SDK2: variants seen among roughly 807,000 people sequenced by gnomAD.
The protein encoded by SDK2 is sidekick cell adhesion molecule 2.
Under a neutral mutation model 253.9 loss-of-function variants are expected in SDK2, and 105 were observed. That is an observed-to-expected ratio of 0.41 (90% confidence interval 0.35 to 0.49). SDK2 has a LOEUF of 0.49. SDK2 is among the 20% of genes least tolerant of loss of function. SDK2 has a pLI of 0.06. For missense variants in SDK2, 2,608 were observed against 3,003.0 expected, an observed-to-expected ratio of 0.87 and a Z score of 3.07; for synonymous variants, 1,249 against 1,234.9, an observed-to-expected ratio of 1.01 and a Z score of -0.24.
At chr17:73,428,157 T>G (rs1273514983) in intron 12 of SDK2, among the ~76,000 whole-genome samples, 2 of 152,174 alleles carry the variant, frequency 1.3e-5, no homozygotes, top group African/African-American at 2.4e-5. Context: ...AGCACAGCTA[T>G]TAGAATGGCC....
intron 5 of SDK2, among the ~76,000 whole-genome samples, chr17:73,441,704 T>C (rs2063417392): frequency 6.6e-6 from 1 of 152,238 alleles, no homozygotes; most frequent in African/African-American, 2.4e-5. Flanking sequence ...ACTTCTGGCC[T>C]CCAGAACTGT....
chr17:73,416,264 T>C (rs1300525669), intron 16 of SDK2, among the ~76,000 whole-genome samples: 1 of 137,970 alleles, frequency 7.2e-6, no homozygotes, highest in Non-Finnish European at 1.5e-5. Flanking sequence ...TGGCGCAATC[T>C]CGGCTCACTG....
chr17:73,444,211 C>A (rs562047400), intron 5 of SDK2, among the ~76,000 whole-genome samples: 33 of 152,252 alleles, frequency 2.2e-4, no homozygotes, highest in African/African-American at 7.2e-4. Context: ...GTCGCAGGCT[C>A]GGGGACGCAC....
chr17:73,523,816 T>C (rs372270992), intron 1 of SDK2, among the ~76,000 whole-genome samples: 177 of 151,492 alleles, frequency 1.2e-3, no homozygotes, highest in African/African-American at 4.1e-3. Context: ...CCCCTTTCTC[T>C]ATGCAGGTTT....
At chr17:73,353,946 C>T (rs946965844) in intron 40 of SDK2, among the ~76,000 whole-genome samples, 1 of 152,130 alleles carries the variant, frequency 6.6e-6, no homozygotes, top group African/African-American at 2.4e-5. Flanking sequence ...CTCAGGTGAT[C>T]TGCCTGCCTT....
At chr17:73,423,575 C>G (rs776096418) in intron 13 of SDK2, 53 bp from the exon 14 acceptor site, 4 of 1,461,642 alleles carry the variant, frequency 2.7e-6, no homozygotes, top group Middle Eastern at 1.9e-4. Context: ...AGGCAGGTGA[C>G]GGGGGCGCTG....
intron 2 of SDK2, among the ~76,000 whole-genome samples, chr17:73,495,361 G>GGT (rs1196440811): frequency 6.6e-6 from 1 of 152,220 alleles, no homozygotes; most frequent in African/African-American, 2.4e-5. Context: ...ACATCCAGAA[G>GGT]GTGTCTATTG....
At chr17:73,422,692 C>G (rs565508815) in intron 14 of SDK2, among the ~76,000 whole-genome samples, 1 of 152,156 alleles carries the variant, frequency 6.6e-6, no homozygotes, top group Non-Finnish European at 1.5e-5. Context: ...CCCACTACCC[C>G]CCACAAATTG....
intron 4 of SDK2, among the ~76,000 whole-genome samples, chr17:73,448,623 G>A (rs1051487523): frequency 2.0e-5 from 3 of 150,788 alleles, no homozygotes; most frequent in Non-Finnish European, 2.9e-5. Context: ...CTTGGCCTCC[G>A]AAAGTGTTGG....
intron 41 of SDK2, among the ~76,000 whole-genome samples, chr17:73,351,362 G>A (rs112146486): frequency 5.9e-5 from 9 of 152,086 alleles, no homozygotes; most frequent in East Asian, 1.9e-4. Context: ...CACCTGCCTC[G>A]GCCTCCCAAA....
rs145182946 is a variant in SDK2, at chr17:73,354,073, G to A, written c.5594-1436C>T. On this transcript the variant is annotated intron_variant, in intron 40 of 44. Transcript: ENST00000392650. ...AAAAATTGTTTTGAGATAGGGTCTCGCTCGGTTGCCAAGGCTAGAGTGCAG... is the reference window on the plus strand; with the variant it reads ...AAAAATTGTTTTGAGATAGGGTCTCACTCGGTTGCCAAGGCTAGAGTGCAG... Among the ~76,000 whole-genome samples the A allele has an allele frequency of 2.2e-3, 341 of 152,026 alleles. 2 individuals are homozygous for A. Among genetic ancestry groups the A allele is most frequent in the African/African-American group, 7.9e-3 (326 of 41,486 alleles).
chr17:73,345,293 T>C (rs1477251573), intron 44 of SDK2, among the ~76,000 whole-genome samples: 1 of 150,908 alleles, frequency 6.6e-6, no homozygotes, highest in Non-Finnish European at 1.5e-5. Flanking sequence ...CACTCCAGCC[T>C]GGGGGACAAG....
chr17:73,589,511 T>C (rs1242068926), intron 1 of SDK2, among the ~76,000 whole-genome samples: 2 of 152,210 alleles, frequency 1.3e-5, no homozygotes, highest in Non-Finnish European at 2.9e-5. Context: ...TCCAGCAGCG[T>C]GAAGCTTGGC....
intron 1 of SDK2, among the ~76,000 whole-genome samples, chr17:73,600,176 G>A (rs992473657): frequency 2.0e-5 from 3 of 152,078 alleles, no homozygotes; most frequent in African/African-American, 7.2e-5. Flanking sequence ...CCCTTCCCTG[G>A]CCATTGCAGC....
chr17:73,569,039 G>A (rs2045346866), intron 1 of SDK2, among the ~76,000 whole-genome samples: 1 of 152,118 alleles, frequency 6.6e-6, no homozygotes, highest in Admixed American at 6.5e-5. Flanking sequence ...AGGAACTGCT[G>A]TCTCCAAGTT....
intron 1 of SDK2, among the ~76,000 whole-genome samples, chr17:73,558,376 C>CGGATG: frequency 7.0e-6 from 1 of 142,964 alleles, no homozygotes; most frequent in South Asian, 2.4e-4. Context: ...GAAAGAGACT[C>CGGATG]GGATGCCTTA....
Position 73,394,288 on chromosome 17 carries a change from G to A in SDK2, c.3629C>T (p.Ala1210Val). Residue 1210 changes from alanine to valine, a missense_variant, in exon 26 of 45, where the codon GCC (alanine) becomes GTC (valine). Physicochemically the swap from Ala to Val is moderately conservative, Grantham distance 64. Coordinates refer to ENST00000392650, the MANE Select transcript of SDK2 (RefSeq NM_001144952.2). ...CACCAGCATGCTGCTGGAGGTGGTG[G>A]CCAGTGCAGACACATTGGTGGGGCC... The part of the protein sequence containing the change: ...SSGPTNVSAL[A>V]TTSSSMLVRW... 1 of 1,601,790 alleles carries A rather than the reference G, an allele frequency of 6.2e-7. No individual in the cohort carries two copies. The highest frequency in any genetic ancestry group is 8.5e-7 in the Non-Finnish European group (1 of 1,172,448).
At chr17:73,535,312 C>T (rs548715492) in intron 1 of SDK2, among the ~76,000 whole-genome samples, 1 of 152,194 alleles carries the variant, frequency 6.6e-6, no homozygotes, top group African/African-American at 2.4e-5. Flanking sequence ...CGCTGCATAA[C>T]TTCTCTGAGC....
intron 2 of SDK2, among the ~76,000 whole-genome samples, chr17:73,476,515 A>G (rs2063687021): frequency 6.6e-6 from 1 of 152,254 alleles, no homozygotes; most frequent in East Asian, 1.9e-4. Flanking sequence ...ATTTAAGCAT[A>G]CATTATAAAA....
Sources: allele counts gnomAD v4.1 joint callset (sites outside exome capture counted in the v4.1 genomes callset), GRCh38; gene constraint gnomAD v4.1.1; transcripts MANE v1.5; gene names NCBI Gene and HGNC (gene_info 2026-07-23, HGNC 2026-07-21).